CHRM5: variants seen among roughly 807,000 people sequenced by gnomAD.
CHRM5 encodes the protein muscarinic acetylcholine receptor M5.
Under a neutral mutation model 39.0 loss-of-function variants are expected in CHRM5, and 18 were observed. The ratio of observed to expected loss-of-function variants is 0.46; its 90% CI spans 0.32 to 0.68. The LOEUF (loss-of-function observed/expected upper bound fraction) is 0.68. Among genes scored for constraint, CHRM5 ranks in the 30% least tolerant of loss-of-function variants. CHRM5 has a pLI of 0.04. For synonymous variants in CHRM5, 241 were observed against 246.3 expected (o/e 0.98, Z 0.20); for missense variants, 515 against 651.1 (o/e 0.79, Z 2.28).
chr15:33,995,876 G>A (rs930145464), intron 1 of CHRM5, among the ~76,000 whole-genome samples: 1 of 152,220 alleles, frequency 6.6e-6, no homozygotes, highest in Non-Finnish European at 1.5e-5. Context: ...GCGGGGCGGG[G>A]CGCTGCCTCA....
chr15:34,004,299 G>C (rs1020924087), intron 1 of CHRM5, among the ~76,000 whole-genome samples: 28 of 152,098 alleles, frequency 1.8e-4, no homozygotes, highest in Admixed American at 1.8e-3. Flanking sequence ...AAGGTTAAGA[G>C]AGCATGCAGA....
chr15:33,980,795 A>G (rs1365388503), intron 1 of CHRM5, among the ~76,000 whole-genome samples: 1 of 152,220 alleles, frequency 6.6e-6, no homozygotes, highest in African/African-American at 2.4e-5. Context: ...TCCCATGTGT[A>G]CCATATGCAA....
At chr15:34,000,659 T>C (rs528040609) in intron 1 of CHRM5, among the ~76,000 whole-genome samples, 1 of 152,166 alleles carries the variant, frequency 6.6e-6, no homozygotes, top group Non-Finnish European at 1.5e-5. Context: ...GAATTTTTAT[T>C]ATCAGAGAAT....
chr15:34,037,118 A>AT (rs1336266727), intron 1 of CHRM5, among the ~76,000 whole-genome samples: 29 of 151,362 alleles, frequency 1.9e-4, no homozygotes, highest in Non-Finnish European at 3.2e-4. Context: ...TCAAAAAAAA[A>AT]AAAAAAATAT....
chr15:34,044,674 A>G (rs1899619703), intron 1 of CHRM5, among the ~76,000 whole-genome samples: 1 of 152,202 alleles, frequency 6.6e-6, no homozygotes, highest in African/African-American at 2.4e-5. Context: ...AGCCTGTGGC[A>G]GGAGTCGACA....
intron 1 of CHRM5, among the ~76,000 whole-genome samples, chr15:33,985,052 A>C (rs936960800): frequency 6.6e-6 from 1 of 151,948 alleles, no homozygotes; most frequent in African/African-American, 2.4e-5. Flanking sequence ...ATCCCACAGC[A>C]CTCTGTACCT....
intron 1 of CHRM5, among the ~76,000 whole-genome samples, chr15:34,044,839 A>G (rs976298910): frequency 1.3e-5 from 2 of 152,202 alleles, no homozygotes; most frequent in Admixed American, 1.3e-4. Context: ...TCATGAGGTC[A>G]GGAGATGGAG....
chr15:34,005,418 G>T (rs1897301034), intron 1 of CHRM5, among the ~76,000 whole-genome samples: 1 of 149,170 alleles, frequency 6.7e-6, no homozygotes, highest in Non-Finnish European at 1.5e-5. Context: ...GCTTCCTCAT[G>T]GTATTATTTA....
intron 1 of CHRM5, among the ~76,000 whole-genome samples, chr15:34,017,851 T>C (rs543699933): frequency 4.3e-4 from 66 of 152,294 alleles, no homozygotes; most frequent in Non-Finnish European, 8.4e-4. Context: ...ACATACCATT[T>C]TGGTCAACAA....
intron 2 of CHRM5, among the ~76,000 whole-genome samples, chr15:34,050,811 T>G (rs928121222): frequency 6.6e-6 from 1 of 152,202 alleles, no homozygotes; most frequent in Admixed American, 6.5e-5. Context: ...CTATCCTAAA[T>G]GTATATGCAC....
chr15:33,974,830 G>A (rs576734072), intron 1 of CHRM5, among the ~76,000 whole-genome samples: 8 of 152,116 alleles, frequency 5.3e-5, no homozygotes, highest in Non-Finnish European at 7.3e-5. Context: ...AAAATTAGCC[G>A]GGTGTGGTGG....
intron 1 of CHRM5, among the ~76,000 whole-genome samples, chr15:34,009,304 A>T (rs1196661765): frequency 6.6e-6 from 1 of 152,232 alleles, no homozygotes; most frequent in East Asian, 1.9e-4. Context: ...ACAGCAATTC[A>T]AATCCACATG....
intron 1 of CHRM5, among the ~76,000 whole-genome samples, chr15:33,983,436 A>T (rs1168058514): frequency 1.3e-5 from 2 of 151,990 alleles, no homozygotes; most frequent in Non-Finnish European, 2.9e-5. Flanking sequence ...GGTCAATGAC[A>T]CAAGAATAGC....
At chr15:34,003,673 A>C (rs1472057822) in intron 1 of CHRM5, among the ~76,000 whole-genome samples, 2 of 152,198 alleles carry the variant, frequency 1.3e-5, no homozygotes, top group Non-Finnish European at 2.9e-5. Flanking sequence ...AAAACTATTT[A>C]ACTTAAACAT....
At chr15:34,003,241 G>T in intron 1 of CHRM5, 1 of 1,606,866 alleles carries the variant, frequency 6.2e-7, no homozygotes. Context: ...CAATAAGTAA[G>T]CAGTGGAAAT....
chr15:34,013,231 T>C (rs1897715741), intron 1 of CHRM5, among the ~76,000 whole-genome samples: 1 of 152,134 alleles, frequency 6.6e-6, no homozygotes, highest in Non-Finnish European at 1.5e-5. Context: ...CCAGCTAATA[T>C]TTGTATTTTT....
At chr15:34,032,723 C>G (rs141309303) in intron 1 of CHRM5, among the ~76,000 whole-genome samples, 15 of 152,298 alleles carry the variant, frequency 9.8e-5, no homozygotes, top group Admixed American at 2.6e-4. Flanking sequence ...CAAAAGCAGT[C>G]TACCCTAGAA....
intron 1 of CHRM5, among the ~76,000 whole-genome samples, chr15:34,043,331 C>T (rs1899556336): frequency 6.6e-6 from 1 of 151,918 alleles, no homozygotes; most frequent in Non-Finnish European, 1.5e-5. Context: ...GAAAAAAATG[C>T]ACTGTCCTCT....
intron 1 of CHRM5, among the ~76,000 whole-genome samples, chr15:34,021,420 G>T (rs1198314847): frequency 6.6e-6 from 1 of 151,744 alleles, no homozygotes; most frequent in Admixed American, 6.6e-5. Context: ...TGAGTAGCTG[G>T]GATTTCAGGC....
Sources: gnomAD v4.1 joint callset for allele counts (sites outside exome capture counted in the v4.1 genomes callset) on GRCh38, gnomAD v4.1.1 for gene constraint, MANE v1.5 for transcripts, NCBI Gene and HGNC (gene_info 2026-07-23, HGNC 2026-07-21) for gene names.